The following PAX5 variants were observed in gnomAD, a reference collection of about 807,000 sequenced individuals.
The protein encoded by PAX5 is paired box 5.
Under a neutral mutation model 43.7 loss-of-function variants are expected in PAX5, and 9 were observed. The ratio of observed to expected loss-of-function variants is 0.21; its 90% CI spans 0.12 to 0.36. The LOEUF (loss-of-function observed/expected upper bound fraction) is 0.36, where lower values mean the gene tolerates loss of function less well. Ranked by LOEUF, PAX5 falls within the 10% of genes least tolerant of loss-of-function variation. The pLI is 1.00. For missense variants in PAX5, 383 were observed against 532.7 expected (o/e 0.72, Z 2.77); for synonymous variants, 228 against 214.3 (o/e 1.06, Z -0.56).
chr9:36,911,901 C>A (rs1487862253), intron 7 of PAX5, among the ~76,000 whole-genome samples: 1 of 152,204 alleles, frequency 6.6e-6, no homozygotes, highest in Non-Finnish European at 1.5e-5. Context: ...CCTTGAGACG[C>A]CCCAGGTCTG....
At chr9:36,846,989 G>A in intron 8 of PAX5, 60 bp from the exon 9 acceptor site, 2 of 1,254,028 alleles carry the variant, frequency 1.6e-6, no homozygotes, top group Non-Finnish European at 2.3e-6. Context: ...TTCAGAAAAG[G>A]CCCTGGGTCC....
intron 8 of PAX5, among the ~76,000 whole-genome samples, chr9:36,860,470 C>T (rs186325182): frequency 5.6e-4 from 85 of 152,208 alleles, no homozygotes; most frequent in Admixed American, 2.5e-3. Flanking sequence ...CAAGGTGACG[C>T]CAATGTACAG....
chr9:37,019,257 T>C (rs917221765), intron 2 of PAX5, among the ~76,000 whole-genome samples: 8 of 152,348 alleles, frequency 5.3e-5, no homozygotes, highest in Middle Eastern at 3.4e-3. Context: ...CTTCGACTTT[T>C]CTTCTCTCGC....
chr9:36,858,598 C>A (rs1823888782), intron 8 of PAX5, among the ~76,000 whole-genome samples: 1 of 152,194 alleles, frequency 6.6e-6, no homozygotes, highest in African/African-American at 2.4e-5. Flanking sequence ...TGTGTTTGGG[C>A]AAATAGATAA....
At chr9:36,875,973 A>T (rs1825874717) in intron 8 of PAX5, among the ~76,000 whole-genome samples, 1 of 152,250 alleles carries the variant, frequency 6.6e-6, no homozygotes, top group Non-Finnish European at 1.5e-5. Flanking sequence ...GTAATTTGTC[A>T]CAGCAGCAAC....
chr9:37,025,813 C>T (rs1840295834), intron 1 of PAX5, among the ~76,000 whole-genome samples: 1 of 152,182 alleles, frequency 6.6e-6, no homozygotes, highest in African/African-American at 2.4e-5. Context: ...AACTAATTGG[C>T]TTCCTCTTTC....
At chr9:36,939,389 A>C (rs112774924) in intron 6 of PAX5, among the ~76,000 whole-genome samples, 13 of 152,030 alleles carry the variant, frequency 8.6e-5, no homozygotes, top group African/African-American at 2.9e-4. Context: ...AACCCAAACC[A>C]CCAGACCCTG....
intron 5 of PAX5, among the ~76,000 whole-genome samples, chr9:36,992,635 T>C (rs1285802175): frequency 1.3e-5 from 2 of 152,210 alleles, no homozygotes; most frequent in African/African-American, 4.8e-5. Context: ...GTGGAGGATT[T>C]CCAAAACCCA....
intron 9 of PAX5, among the ~76,000 whole-genome samples, chr9:36,845,809 G>A (rs1054213704): frequency 6.6e-6 from 1 of 152,172 alleles, no homozygotes; most frequent in East Asian, 1.9e-4. Context: ...AAGACACCAG[G>A]TTATGGCTTT....
At chr9:36,978,821 T>G (rs2132264388) in intron 5 of PAX5, among the ~76,000 whole-genome samples, 1 of 152,334 alleles carries the variant, frequency 6.6e-6, no homozygotes, top group South Asian at 2.1e-4. Flanking sequence ...ATGGGGCTGA[T>G]GGAGTCCCTG....
intron 5 of PAX5, among the ~76,000 whole-genome samples, chr9:36,986,935 C>T (rs1836484852): frequency 6.6e-6 from 1 of 152,238 alleles, no homozygotes; most frequent in East Asian, 1.9e-4. Context: ...CCGTCCAGCC[C>T]ATGCCCAGTG....
At chr9:36,921,549 C>A (rs1174517772) in intron 7 of PAX5, among the ~76,000 whole-genome samples, 1 of 152,208 alleles carries the variant, frequency 6.6e-6, no homozygotes, top group African/African-American at 2.4e-5. Context: ...TGCCCCAAGC[C>A]TCAGTTTCTC....
intron 7 of PAX5, chr9:36,922,862 G>A (rs1487499315): frequency 6.4e-6 from 1 of 156,680 alleles, no homozygotes; most frequent in African/African-American, 2.4e-5. Context: ...CAGCTAAAGA[G>A]TCTGGCCCTG....
In PAX5 at chr9:36,936,748, G is replaced by A. The variant is rs150441208; in HGVS notation, c.781-13264C>T. On this transcript the variant is annotated intron_variant, in intron 6 of 9. Coordinates refer to ENST00000358127, the MANE Select transcript of PAX5 (RefSeq NM_016734.3). ...GCCAGATCAATAGGGTGGCAGGGTG[G>A]GGACAGGGAGGTGGGCCTGGATGCC... Among the ~76,000 whole-genome samples the A allele has an allele frequency of 2.2e-4, 33 of 152,180 alleles. No homozygotes were observed. In the East Asian group the frequency reaches 6.0e-3, roughly 28 times the overall value.
chr9:36,872,884 C>A (rs1266184590), intron 8 of PAX5, among the ~76,000 whole-genome samples: 1 of 152,198 alleles, frequency 6.6e-6, no homozygotes, highest in Non-Finnish European at 1.5e-5. Flanking sequence ...GTTTCCAGGG[C>A]TGAGGTGTGG....
At chr9:36,968,746 C>T (rs898794625) in intron 5 of PAX5, among the ~76,000 whole-genome samples, 35 of 152,190 alleles carry the variant, frequency 2.3e-4, no homozygotes, top group African/African-American at 7.5e-4. Context: ...GGACATCATC[C>T]TCAGAGACCC....
At chr9:36,872,129 G>C (rs1470849181) in intron 8 of PAX5, among the ~76,000 whole-genome samples, 1 of 152,176 alleles carries the variant, frequency 6.6e-6, no homozygotes, top group African/African-American at 2.4e-5. Flanking sequence ...GCCCTGGCCT[G>C]CCCCAGCAGT....
At chr9:36,844,140 A>T (rs1822343278) in intron 9 of PAX5, among the ~76,000 whole-genome samples, 1 of 152,232 alleles carries the variant, frequency 6.6e-6, no homozygotes, top group African/African-American at 2.4e-5. Context: ...TCAAAGCTGG[A>T]CCAGAGCCAG....
At chr9:37,024,022 C>G (rs187437720) in intron 1 of PAX5, among the ~76,000 whole-genome samples, 42 of 152,316 alleles carry the variant, frequency 2.8e-4, no homozygotes, top group African/African-American at 9.1e-4. Context: ...ATTTTAATGC[C>G]TTTGTCAGAT....
Sources: allele counts gnomAD v4.1 joint callset (sites outside exome capture counted in the v4.1 genomes callset), GRCh38; gene constraint gnomAD v4.1.1; transcripts MANE v1.5; gene names NCBI Gene and HGNC (gene_info 2026-07-23, HGNC 2026-07-21).